Variants in CNNM1 observed in about 807,000 individuals in gnomAD.
CNNM1 encodes the protein metal transporter CNNM1.
A neutral mutation model predicts 78.8 loss-of-function variants in CNNM1; 44 were observed. That is an observed-to-expected ratio of 0.56 (90% CI 0.44 to 0.72). The LOEUF (loss-of-function observed/expected upper bound fraction) is 0.72. Ranked by LOEUF, CNNM1 falls within the 30% of genes least tolerant of loss-of-function variation. CNNM1 has a pLI of 0.00. For missense variants in CNNM1, 1,101 were observed against 1,292.2 expected, an observed-to-expected ratio of 0.85 and a Z score of 2.27; for synonymous variants, 584 against 581.5, an observed-to-expected ratio of 1.00 and a Z score of -0.06.
At chr10:99,357,807 G>T (rs1349312164) in intron 2 of CNNM1, among the ~76,000 whole-genome samples, 152 bp downstream of exon 2, 1 of 152,156 alleles carries the variant, frequency 6.6e-6, no homozygotes. Context: ...GCTGTGGCAA[G>T]ATACCCTAGT....
chr10:99,368,777 C>A, intron 6 of CNNM1: 1 of 783,238 alleles, frequency 1.3e-6, no homozygotes, highest in Non-Finnish European at 1.9e-6. Flanking sequence ...ACTAATCACT[C>A]CAACAGGCAC....
intron 1 of CNNM1, among the ~76,000 whole-genome samples, chr10:99,347,560 CAT>C (rs891493724): frequency 7.3e-6 from 1 of 137,920 alleles, no homozygotes; most frequent in Non-Finnish European, 1.5e-5. Flanking sequence ...TAAGTCAGAT[CAT>C]GTCACCTTTT....
intron 4 of CNNM1, among the ~76,000 whole-genome samples, chr10:99,363,563 C>T (rs1402344089): frequency 6.6e-6 from 1 of 151,956 alleles, no homozygotes; most frequent in Non-Finnish European, 1.5e-5. Flanking sequence ...AAATTGAGTT[C>T]CCTGTAAATC....
intron 1 of CNNM1, among the ~76,000 whole-genome samples, chr10:99,340,907 T>G (rs1251157738): frequency 6.6e-6 from 1 of 151,906 alleles, no homozygotes; most frequent in East Asian, 1.9e-4. Flanking sequence ...CCTGCCTGCC[T>G]GCCTGTATTG....
intron 1 of CNNM1, among the ~76,000 whole-genome samples, chr10:99,343,114 C>T (rs909831831): frequency 3.3e-5 from 5 of 152,070 alleles, no homozygotes; most frequent in African/African-American, 9.7e-5. Flanking sequence ...AGGCGCCTGC[C>T]ACCACTCCCA....
chr10:99,353,858 G>T (rs1307471760), intron 1 of CNNM1, among the ~76,000 whole-genome samples: 3 of 152,074 alleles, frequency 2.0e-5, no homozygotes, highest in Admixed American at 2.0e-4. Context: ...ATATAATTAG[G>T]GCTTAAAATC....
rs1223329625 is a variant in CNNM1 at position 99,390,317 on chromosome 10, G to A, written c.2686G>A (p.Glu896Lys). The change falls in exon 10 of 11, where the codon GAA becomes AAA. Residue 896 changes from glutamate to lysine, a missense_variant. Glu to Lys is a moderately conservative substitution (Grantham distance 56). Coordinates refer to ENST00000356713, the MANE Select transcript of CNNM1 (RefSeq NM_020348.3). The stretch of plus-strand genomic sequence containing the variant: ...CTTTCCTTTCTCAGCATCAGATAGT[G>A]AATGTTGTAACATCAACCTGGATAC... ...AVPTRAASDS[E>K]CCNINLDTET... The A allele has an allele frequency of 6.2e-7, 1 of 1,612,114 alleles. No individual in the cohort carries two copies.
At chr10:99,344,605 G>A (rs111235915) in intron 1 of CNNM1, among the ~76,000 whole-genome samples, 17 of 150,454 alleles carry the variant, frequency 1.1e-4, no homozygotes, top group African/African-American at 2.2e-4. Context: ...AAATTGGACC[G>A]TAGGAGGTTC....
intron 3 of CNNM1, among the ~76,000 whole-genome samples, 171 bp downstream of exon 3, chr10:99,361,146 C>T (rs945597082): frequency 1.3e-5 from 2 of 152,182 alleles, no homozygotes; most frequent in Admixed American, 6.5e-5. Context: ...CACCTACTGT[C>T]GTATTGAGCC....
chr10:99,381,409 CAAAA>C (rs55670936), intron 7 of CNNM1, among the ~76,000 whole-genome samples: 5 of 114,632 alleles, frequency 4.4e-5, no homozygotes, highest in African/African-American at 6.8e-5. Context: ...ACTCTGTCTT[CAAAA>C]AAAAAAAAAA....
intron 7 of CNNM1, among the ~76,000 whole-genome samples, chr10:99,378,625 T>A (rs1462627757): frequency 1.3e-5 from 2 of 152,144 alleles, no homozygotes; most frequent in South Asian, 2.1e-4. Flanking sequence ...ACAATAACTA[T>A]TTTTTTGCAG....
At chr10:99,360,747 T>A in intron 2 of CNNM1, 88 bp from the exon 3 acceptor site, 1 of 1,487,964 alleles carries the variant, frequency 6.7e-7, no homozygotes, top group Middle Eastern at 1.8e-4. Context: ...TGCAGAAATG[T>A]TCTATCTGTC....
At chr10:99,366,201 A>C (rs1589908663) in intron 6 of CNNM1, among the ~76,000 whole-genome samples, 1 of 152,302 alleles carries the variant, frequency 6.6e-6, no homozygotes, top group East Asian at 1.9e-4. Context: ...TATTATACTT[A>C]AGACAATGAA....
intron 1 of CNNM1, among the ~76,000 whole-genome samples, chr10:99,348,479 G>A (rs899722829): frequency 7.9e-5 from 12 of 152,120 alleles, no homozygotes; most frequent in African/African-American, 2.2e-4. Context: ...AAGAGTGCTC[G>A]GCATGTAGCA....
intron 1 of CNNM1, among the ~76,000 whole-genome samples, chr10:99,343,494 C>T (rs2030546106): frequency 6.6e-6 from 1 of 152,066 alleles, no homozygotes; most frequent in South Asian, 2.1e-4. Flanking sequence ...TTTGTATATG[C>T]AGCACCAGAG....
intron 1 of CNNM1, among the ~76,000 whole-genome samples, chr10:99,333,886 G>T (rs2030043374): frequency 6.6e-6 from 1 of 152,176 alleles, no homozygotes; most frequent in Admixed American, 6.6e-5. Flanking sequence ...GTCGAAAAAA[G>T]CTCCTTTAGT....
intron 7 of CNNM1, 174 bp downstream of exon 7, chr10:99,377,392 C>T (rs2032009258): frequency 3.7e-6 from 2 of 545,362 alleles, no homozygotes; most frequent in Non-Finnish European, 6.3e-6. Flanking sequence ...TTTCAGTAAG[C>T]TTTAGGACGG....
Position 99,387,897 on chromosome 10 carries a change from C to G in CNNM1, c.2418C>G (p.Ala806=), listed in dbSNP as rs779555620. Residue 806 remains alanine (A), a synonymous_variant, in exon 8 of 11, where the codon GCC becomes GCG. Transcript: ENST00000356713. ...CACCTCAGTCCCCTGACATGGAGGC[C>G]TTCACAGACGGGGACTCCACTAAGG... ...DSSPQSPDME[A]FTDGDSTKAP... is the part of the protein sequence containing the mutation. 1.2e-6 allele frequency: 2 copies of G among 1,613,702 alleles called. No homozygotes were observed. The highest frequency in any genetic ancestry group is 2.7e-5 in the African/African-American group (2 of 74,942).
chr10:99,375,649 T>G (rs1188752627), intron 6 of CNNM1, among the ~76,000 whole-genome samples: 1 of 152,234 alleles, frequency 6.6e-6, no homozygotes, highest in Non-Finnish European at 1.5e-5. Context: ...ATCATCAACC[T>G]TCCATGACTC....
Sources: allele counts gnomAD v4.1 joint callset (sites outside exome capture counted in the v4.1 genomes callset), GRCh38; gene constraint gnomAD v4.1.1; transcripts MANE v1.5; gene names NCBI Gene and HGNC (gene_info 2026-07-23, HGNC 2026-07-21).